The following RELCH variants were observed in gnomAD, a reference collection of about 807,000 sequenced individuals.
The protein encoded by RELCH is RAB11 binding and LisH domain, coiled-coil and HEAT repeat containing.
Under a neutral mutation model 150.3 loss-of-function variants are expected in RELCH, and 41 were observed. The ratio of observed to expected loss-of-function variants is 0.27; its 90% CI spans 0.21 to 0.35. RELCH has a LOEUF of 0.35. Ranked by LOEUF, RELCH falls within the 10% of genes least tolerant of loss-of-function variation. The pLI is 1.00. For synonymous variants in RELCH, 478 were observed against 531.8 expected (o/e 0.90, Z 1.39); for missense variants, 1,092 against 1,467.8 (o/e 0.74, Z 4.18).
intron 2 of RELCH, among the ~76,000 whole-genome samples, chr18:62,216,454 C>T (rs752098784): frequency 2.0e-5 from 3 of 152,062 alleles, no homozygotes; most frequent in Non-Finnish European, 4.4e-5. Flanking sequence ...TAGTTCACAC[C>T]TTAACTCTGT....
intron 23 of RELCH, chr18:62,280,248 G>A: frequency 2.5e-6 from 2 of 815,258 alleles, no homozygotes; most frequent in South Asian, 1.5e-5. Flanking sequence ...TCGTGTGGAT[G>A]ACTAAACCAA....
Position 62,310,218 on chromosome 18 carries a change from A to C in RELCH, c.*4684A>C, listed in dbSNP as rs1301484862. ...CCTTCCCATCATGTATTAAATAATG[A>C]AACTTAAAGGTGAATACTTTCATAA... On this transcript the variant is annotated 3_prime_UTR_variant, in exon 29 of 29. Transcript: ENST00000644646. 2 of 152,218 alleles carry C rather than the reference A, an allele frequency of 1.3e-5. No homozygotes were observed. The highest frequency in any genetic ancestry group is 1.3e-4 in the Admixed American group (2 of 15,284). 9.4% of individuals were successfully genotyped at this position (152,218 alleles called of 1,614,324 possible). A position where few individuals can be genotyped will look rare whatever the true frequency, so the allele number is the denominator to read the frequency against.
intron 22 of RELCH, 90 bp from the exon 23 acceptor site, chr18:62,279,684 C>T: frequency 1.2e-6 from 1 of 825,120 alleles, no homozygotes. Context: ...TTCTCTCTTT[C>T]TCTTGGTTGT....
At chr18:62,267,470 T>C (rs1466301388) in intron 19 of RELCH, among the ~76,000 whole-genome samples, 1 of 142,786 alleles carries the variant, frequency 7.0e-6, no homozygotes, top group South Asian at 2.3e-4. Context: ...AATATATATA[T>C]AGTCTAGGTA....
At chr18:62,286,628 A>G (rs915079760) in intron 25 of RELCH, among the ~76,000 whole-genome samples, 1 of 152,136 alleles carries the variant, frequency 6.6e-6, no homozygotes, top group Non-Finnish European at 1.5e-5. Context: ...GTGATTAACA[A>G]TTTAACAATC....
chr18:62,298,198 T>C (rs1478908484), intron 27 of RELCH, among the ~76,000 whole-genome samples: 2 of 151,928 alleles, frequency 1.3e-5, no homozygotes, highest in African/African-American at 2.4e-5. Flanking sequence ...AGAAGAGCCA[T>C]TCATTTTCTG....
chr18:62,252,364 CAG>C (rs2144577457), intron 11 of RELCH, among the ~76,000 whole-genome samples: 1 of 151,984 alleles, frequency 6.6e-6, no homozygotes, highest in East Asian at 1.9e-4. Context: ...CAAAAAAACA[CAG>C]AAACTATCTG....
In RELCH at chr18:62,221,554, TCTTTTA is replaced by T; in HGVS notation, c.858+59_858+64del. On this transcript the variant is annotated intron_variant, in intron 5 of 28. Coordinates refer to ENST00000644646, the MANE Select transcript of RELCH (RefSeq NM_001346231.2). Reference sequence around the variant, plus strand: ...TTTTCTACACTTATAATTCACTTTTTCTTTTACGTAGTTTCTTTTTTTTTTTTTTTA... The same window carrying T: ...TTTTCTACACTTATAATTCACTTTTTCGTAGTTTCTTTTTTTTTTTTTTTA... 2.6e-6 allele frequency: 2 copies of T among 773,020 alleles called. 1 individual carries two copies. The allele number at this position is 773,020 out of a possible 1,614,324, so 47.9% of individuals were successfully genotyped here.
chr18:62,221,759 C>G (rs1023481204), intron 5 of RELCH, among the ~76,000 whole-genome samples: 1 of 151,674 alleles, frequency 6.6e-6, no homozygotes, highest in Non-Finnish European at 1.5e-5. Flanking sequence ...ATAGTCCACT[C>G]ATTTTTGCAT....
At chr18:62,195,933 T>C (rs2039008327) in intron 1 of RELCH, among the ~76,000 whole-genome samples, 1 of 152,160 alleles carries the variant, frequency 6.6e-6, no homozygotes, top group Admixed American at 6.5e-5. Context: ...TGACCTCATG[T>C]GATCCGCCCG....
Position 62,305,527 on chromosome 18 carries a change from A to G in RELCH, c.3644A>G (p.Lys1215Arg). The change falls in exon 29 of 29, where the codon AAG becomes AGG. Residue 1215 changes from lysine to arginine, a missense_variant. Lys to Arg is a conservative substitution (Grantham distance 26). This residue lies in a region of RELCH where 707 missense variants were observed against 1,025.4 expected (regional missense o/e 0.69). Coordinates refer to ENST00000644646, the MANE Select transcript of RELCH (RefSeq NM_001346231.2). This position sits in a 1 kb window ranked among gnomAD's most constrained non-coding sequence, Gnocchi z 4.0. Reference protein sequence around the residue: ...GAMLANVFQRKK With the variant: ...GAMLANVFQRRK ...ATGTTGGCCAATGTATTTCAGAGAA[A>G]GAAGTAGAAGCAGGAAAGAAGCCCC... The G allele has an allele frequency of 6.2e-7, 1 of 1,605,912 alleles. No individual in the cohort carries two copies.
intron 4 of RELCH, 44 bp downstream of exon 4, chr18:62,221,318 A>G (rs2040855990): frequency 1.3e-6 from 2 of 1,552,794 alleles, no homozygotes; most frequent in African/African-American, 1.4e-5. Context: ...TCCACATTAA[A>G]TGGTAACATA....
At chr18:62,213,856 C>A (rs1054464967) in intron 2 of RELCH, among the ~76,000 whole-genome samples, 4 of 150,992 alleles carry the variant, frequency 2.6e-5, no homozygotes, top group African/African-American at 7.3e-5. Context: ...ATAACGTTTT[C>A]TTTCCCTGTG....
chr18:62,187,604 G>A lies in RELCH; in HGVS notation c.99G>A (p.Glu33=), dbSNP rs1231164281. ...ACGATGACGAGGTAGCTGCAACAGAGGAACGGCGGGCAGTACTTCGGCTGG... is the reference window on the plus strand; with the variant it reads ...ACGATGACGAGGTAGCTGCAACAGAAGAACGGCGGGCAGTACTTCGGCTGG... ...DEDDDEVAAT[E]ERRAVLRLGA... Residue 33 remains glutamate (E), a synonymous_variant, in exon 1 of 29, where the codon GAG becomes GAA. Transcript: ENST00000644646. 3 of 1,531,538 alleles carry A rather than the reference G, an allele frequency of 2.0e-6. No homozygotes were observed. Among genetic ancestry groups the A allele is most frequent in the African/African-American group, 2.8e-5 (2 of 72,136 alleles). 94.9% of individuals were successfully genotyped at this position (1,531,538 alleles called of 1,614,324 possible).
intron 26 of RELCH, 35 bp from the exon 27 acceptor site, chr18:62,291,508 G>C: frequency 2.2e-6 from 3 of 1,383,418 alleles, no homozygotes; most frequent in Non-Finnish European, 3.0e-6. Context: ...TACCAATTTG[G>C]TTTTGTTTAA....
chr18:62,187,590 G>T lies in RELCH; in HGVS notation c.85G>T (p.Val29Leu), dbSNP rs767904689. ...LSDSDEDDDE[V>L]AATEERRAVL... ...TGATTCGGATGAGGACGATGACGAGGTAGCTGCAACAGAGGAACGGCGGGC... is the reference window on the plus strand; with the variant it reads ...TGATTCGGATGAGGACGATGACGAGTTAGCTGCAACAGAGGAACGGCGGGC... Residue 29 changes from valine to leucine, a missense_variant, in exon 1 of 29, where the codon GTA becomes TTA. This residue lies in a region of RELCH where 138 missense variants were observed against 124.8 expected (regional missense o/e 1.11). Transcript: ENST00000644646. 11 of 1,527,832 alleles carry T rather than the reference G, an allele frequency of 7.2e-6. No homozygotes were observed. Among genetic ancestry groups the T allele is most frequent in the Non-Finnish European group, 9.7e-6 (11 of 1,137,242 alleles). The allele number at this position is 1,527,832 out of a possible 1,614,324, so 94.6% of individuals were successfully genotyped here. A position where few individuals can be genotyped will look rare whatever the true frequency, so the allele number is the denominator to read the frequency against.
chr18:62,290,012 G>A (rs892210946), intron 26 of RELCH, among the ~76,000 whole-genome samples: 1 of 152,040 alleles, frequency 6.6e-6, no homozygotes, highest in Non-Finnish European at 1.5e-5. Context: ...ATAATCATTA[G>A]GTTGTAGCCC....
intron 20 of RELCH, 56 bp from the exon 21 acceptor site, chr18:62,273,924 G>A: frequency 2.9e-6 from 3 of 1,027,098 alleles, no homozygotes; most frequent in Non-Finnish European, 4.6e-6. Context: ...GGTAAATATG[G>A]TATTTAGTTC....
At chr18:62,265,464 A>G (rs2043504041) in intron 18 of RELCH, among the ~76,000 whole-genome samples, 1 of 152,082 alleles carries the variant, frequency 6.6e-6, no homozygotes, top group Non-Finnish European at 1.5e-5. Context: ...ATTTGTCTTC[A>G]TAACATTTTG....
Sources: allele counts gnomAD v4.1 joint callset (sites outside exome capture counted in the v4.1 genomes callset), GRCh38; gene constraint gnomAD v4.1.1; regional missense constraint gnomAD v4.1.1; non-coding constraint Gnocchi (gnomAD v3.1); transcripts MANE v1.5; gene names NCBI Gene and HGNC (gene_info 2026-07-23, HGNC 2026-07-21).